The following ZNF317 variants were observed in gnomAD, a reference collection of about 807,000 sequenced individuals.
ZNF317 encodes the protein KRAB-containing zinc finger protein 317.
In ZNF317, 17 loss-of-function variants were observed where a neutral mutation model predicts 23.4. The observed-to-expected ratio is 0.73, with a 90% CI of 0.50 to 1.09. The LOEUF (loss-of-function observed/expected upper bound fraction) is 1.09, where lower values mean the gene tolerates loss of function less well. ZNF317 is among the 50% of genes least tolerant of loss of function. The pLI, the probability that ZNF317 is intolerant of heterozygous loss-of-function variation, is 0.00. For synonymous variants in ZNF317, 317 were observed against 314.9 expected (o/e 1.01, Z -0.07); for missense variants, 679 against 796.7 (o/e 0.85, Z 1.78).
At position 9,140,599 on chromosome 19, in the gene ZNF317, C is replaced by T. The variant is rs1434256772; in HGVS notation, c.-93+7C>T. 2.2e-6 allele frequency: 1 copy of T among 456,472 alleles called. No homozygotes were observed. Among genetic ancestry groups the T allele is most frequent in the Non-Finnish European group, 4.4e-6 (1 of 226,884 alleles). The allele number at this position is 456,472 out of a possible 1,614,324, so 28.3% of individuals were successfully genotyped here. On this transcript the variant is annotated splice_region_variant and intron_variant, in intron 1 of 6. Coordinates refer to ENST00000247956, the MANE Select transcript of ZNF317 (RefSeq NM_020933.5). ...CGATCCTATTCCCAGTCGTGTAAGC[C>T]CTGCTTTCCTTAACCCTTCTCCCCC... is the stretch of plus-strand genomic sequence containing the variant.
chr19:9,157,750 A>AAC (rs1455434168), intron 4 of ZNF317: 1 of 1,230,164 alleles, frequency 8.1e-7, no homozygotes, highest in African/African-American at 1.5e-5. Context: ...ACTGATCTTG[A>AAC]ACTCCTGGCT....
rs1387514822 is a variant in ZNF317 at position 9,161,155 on chromosome 19, T to C, written c.1510T>C (p.Cys504Arg). ...TCACCTTGTAAAGAAACGAGTTGAG[T>C]GTAGGCAGTGTGGCAAGGCCTTCAG... is the stretch of plus-strand genomic sequence containing the variant. ...SVHLVKKRVE[C>R]RQCGKAFRNQ... Residue 504 changes from cysteine (C) to arginine (R), a missense_variant, in exon 7 of 7, where the codon TGT (cysteine) becomes CGT (arginine). Coordinates refer to ENST00000247956, the MANE Select transcript of ZNF317 (RefSeq NM_020933.5). This position sits in a 1 kb window ranked among gnomAD's most constrained non-coding sequence, Gnocchi z 4.0. 6.2e-7 allele frequency: 1 copy of C among 1,613,992 alleles called. No homozygotes were observed. Among genetic ancestry groups the C allele is most frequent in the Non-Finnish European group, 8.5e-7 (1 of 1,179,988 alleles).
chr19:9,153,907 C>T (rs1323149633), intron 1 of ZNF317, among the ~76,000 whole-genome samples: 3 of 152,132 alleles, frequency 2.0e-5, no homozygotes, highest in African/African-American at 7.2e-5. Context: ...TGAATGTAGA[C>T]TGCTCCTAAG....
rs2050837279 is a variant in ZNF317 at position 9,160,467 on chromosome 19, A to C, written c.822A>C (p.Lys274Asn). The change falls in exon 7 of 7, where the codon AAA becomes AAC. Residue 274 changes from lysine to asparagine, a missense_variant. Physicochemically the swap from Lys to Asn is moderately conservative, Grantham distance 94. Transcript: ENST00000247956. The surrounding 1 kb of genome is among the most constrained non-coding windows in gnomAD (Gnocchi z 6.8). ...ALRSHARTHL[K>N]EKPFDCSQCG... is the part of the protein sequence containing the mutation. ...GGAGCCACGCAAGAACTCACCTCAAAGAGAAGCCCTTTGACTGCAGTCAGT... is the reference window on the plus strand; with the variant it reads ...GGAGCCACGCAAGAACTCACCTCAACGAGAAGCCCTTTGACTGCAGTCAGT... 6.2e-7 allele frequency: 1 copy of C among 1,614,040 alleles called. No individual in the cohort carries two copies. The highest frequency in any genetic ancestry group is 2.2e-5 in the East Asian group (1 of 44,856).
At chr19:9,144,120 A>G (rs2050662047) in intron 1 of ZNF317, among the ~76,000 whole-genome samples, 1 of 151,732 alleles carries the variant, frequency 6.6e-6, no homozygotes, top group Non-Finnish European at 1.5e-5. Flanking sequence ...CTCCTGTCTC[A>G]GCCTCCCAAG....
At chr19:9,156,900 G>C (rs1465031250) in intron 3 of ZNF317, 152 bp downstream of exon 3, 1 of 985,374 alleles carries the variant, frequency 1.0e-6, no homozygotes, top group African/African-American at 1.6e-5. Context: ...GGCTGTCCTG[G>C]TGTTGGGGAA....
chr19:9,155,877 G>A, intron 1 of ZNF317, 48 bp from the exon 2 acceptor site: 1 of 1,036,222 alleles, frequency 9.7e-7, no homozygotes, highest in Non-Finnish European at 1.5e-6. Context: ...GTGAGCAGGA[G>A]AGACAGATAG....
Sources: allele counts gnomAD v4.1 joint callset (sites outside exome capture counted in the v4.1 genomes callset), GRCh38; gene constraint gnomAD v4.1.1; non-coding constraint Gnocchi (gnomAD v3.1); transcripts MANE v1.5; gene names NCBI Gene and HGNC (gene_info 2026-07-23, HGNC 2026-07-21).